The following MYO1E variants were observed in gnomAD, a reference collection of about 807,000 sequenced individuals.
MYO1E encodes unconventional myosin-Ie.
In MYO1E, 68 loss-of-function variants were observed where a neutral mutation model predicts 151.1. The observed-to-expected ratio is 0.45, with a 90% CI of 0.37 to 0.55. MYO1E has a LOEUF of 0.55. MYO1E is among the 20% of genes least tolerant of loss of function. MYO1E has a pLI of 0.00. For missense variants in MYO1E, 1,363 were observed against 1,389.3 expected, an observed-to-expected ratio of 0.98 and a Z score of 0.30; for synonymous variants, 601 against 501.7, an observed-to-expected ratio of 1.20 and a Z score of -2.64.
chr15:59,331,055 C>A (rs761301139), intron 1 of MYO1E, among the ~76,000 whole-genome samples: 2 of 152,140 alleles, frequency 1.3e-5, no homozygotes, highest in Non-Finnish European at 2.9e-5. Flanking sequence ...CAGGTGTGAG[C>A]CACGACGCCC....
At chr15:59,251,418 AG>A (rs2080164483) in intron 4 of MYO1E, among the ~76,000 whole-genome samples, 1 of 152,268 alleles carries the variant, frequency 6.6e-6, no homozygotes, top group Admixed American at 6.5e-5. Flanking sequence ...CAATTGTGGT[AG>A]GATAAAAATA....
chr15:59,166,870 G>C (rs560817369), intron 22 of MYO1E, among the ~76,000 whole-genome samples: 5 of 152,256 alleles, frequency 3.3e-5, no homozygotes, highest in African/African-American at 1.2e-4. Context: ...TTGTGTCCCA[G>C]GAATATCCTT....
chr15:59,262,212 A>T (rs1342349675), intron 2 of MYO1E, among the ~76,000 whole-genome samples: 2 of 151,542 alleles, frequency 1.3e-5, no homozygotes, highest in Non-Finnish European at 2.9e-5. Context: ...TGTCTCCAAA[A>T]AAAAAATAAA....
rs1302655973 is a variant in MYO1E at position 59,136,964 on chromosome 15, C to T, written c.*416G>A. ...GAGGAATGTGTCTATCAGGTATGGA[C>T]AAGAGAGATGAAAGAAATGTGCTCT... On this transcript the variant is annotated 3_prime_UTR_variant, in exon 28 of 28. Coordinates refer to ENST00000288235, the MANE Select transcript of MYO1E (RefSeq NM_004998.4). The T allele has an allele frequency of 2.8e-6, 1 of 354,158 alleles. No individual in the cohort carries two copies. The highest frequency in any genetic ancestry group is 5.6e-6 in the Non-Finnish European group (1 of 178,690). The allele number at this position is 354,158 out of a possible 1,614,324, so 21.9% of individuals were successfully genotyped here.
intron 1 of MYO1E, among the ~76,000 whole-genome samples, chr15:59,303,656 C>G (rs2140405361): frequency 6.6e-6 from 1 of 152,356 alleles, no homozygotes; most frequent in South Asian, 2.1e-4. Context: ...CATAATCCCA[C>G]AGCGAGATGG....
Position 59,132,496 on chromosome 15 carries a change from C to T in MYO1E, c.*4884G>A, listed in dbSNP as rs1370273669. On this transcript the variant is annotated 3_prime_UTR_variant, in exon 28 of 28. Coordinates refer to ENST00000288235, the MANE Select transcript of MYO1E (RefSeq NM_004998.4). ...AAATGTCCTGACTTAGGAAATTCTT[C>T]CAGGATGTCATAAAAAAAGACCTTT... 1.3e-5 allele frequency: 2 copies of T among 152,144 alleles called. No individual in the cohort carries two copies. Among genetic ancestry groups the T allele is most frequent in the African/African-American group, 4.8e-5 (2 of 41,424 alleles). 9.4% of individuals were successfully genotyped at this position (152,144 alleles called of 1,614,324 possible).
At chr15:59,198,925 C>T (rs1354149103) in intron 16 of MYO1E, among the ~76,000 whole-genome samples, 1 of 152,154 alleles carries the variant, frequency 6.6e-6, no homozygotes, top group Non-Finnish European at 1.5e-5. Flanking sequence ...TCCAGCTGCA[C>T]TCAGATAAAG....
At position 59,307,848 on chromosome 15, in the gene MYO1E, G is replaced by A. The variant is rs1483935089; in HGVS notation, c.4-35399C>T. On this transcript the variant is annotated intron_variant, in intron 1 of 27. Transcript: ENST00000288235. Reference sequence around the variant, plus strand: ...TGGTCTTGAACTCCTGACCTCAGGCGATCCACCCGCCTCAGCCTCCCAAAG... The same window carrying A: ...TGGTCTTGAACTCCTGACCTCAGGCAATCCACCCGCCTCAGCCTCCCAAAG... 1.3e-4 allele frequency among the ~76,000 whole-genome samples: 20 copies of A among 151,314 alleles called. 1 individual carries two copies. The highest frequency in any genetic ancestry group is 4.4e-4 in the African/African-American group (18 of 41,324).
chr15:59,210,534 C>G lies in MYO1E; in HGVS notation c.1342G>C (p.Asp448His). 1.3e-6 allele frequency: 2 copies of G among 1,599,864 alleles called. No individual in the cohort carries two copies. Among genetic ancestry groups the G allele is most frequent in the Non-Finnish European group, 1.7e-6 (2 of 1,167,066 alleles). The change falls in exon 13 of 28, where the codon GAC becomes CAC. Residue 448 changes from aspartate to histidine, a missense_variant. Asp to His is a moderately conservative substitution (Grantham distance 81). Coordinates refer to ENST00000288235, the MANE Select transcript of MYO1E (RefSeq NM_004998.4). ...CTTACCACTTTGTTCTCTATGAGGT[C>G]ACATACGATTTTATTATTAAAGTAC... ...IEYFNNKIVC[D>H]LIENKVNPPG...
chr15:59,146,690 C>T (rs1175893646), intron 26 of MYO1E, among the ~76,000 whole-genome samples: 1 of 149,102 alleles, frequency 6.7e-6, no homozygotes, highest in Non-Finnish European at 1.5e-5. Context: ...ATAATAAAGG[C>T]TCATTATATA....
At chr15:59,278,015 T>G (rs1255240552) in intron 1 of MYO1E, among the ~76,000 whole-genome samples, 2 of 152,210 alleles carry the variant, frequency 1.3e-5, no homozygotes, top group Admixed American at 1.3e-4. Context: ...TAGTAAAATC[T>G]TAAAATAAAT....
Position 59,288,646 on chromosome 15 carries a change from G to C in MYO1E, c.4-16197C>G, listed in dbSNP as rs138221854. ...TGGATGTATGATATTTCAAGAAAGA[G>C]ACTGGGTACTGTCATCTCATCTGGC... On this transcript the variant is annotated intron_variant, in intron 1 of 27. Coordinates refer to ENST00000288235, the MANE Select transcript of MYO1E (RefSeq NM_004998.4). Among the ~76,000 whole-genome samples the C allele has an allele frequency of 7.9e-4, 120 of 152,300 alleles. 1 individual carries two copies. In the East Asian group the frequency reaches 0.02, roughly 25 times the overall value.
intron 1 of MYO1E, among the ~76,000 whole-genome samples, chr15:59,366,669 G>A (rs2080915780): frequency 6.6e-6 from 1 of 152,038 alleles, no homozygotes; most frequent in Admixed American, 6.6e-5. Context: ...TGTTAGGGCT[G>A]GCTTTTACAG....
chr15:59,220,170 C>T lies in MYO1E; in HGVS notation c.911-2083G>A, dbSNP rs373658639. 6.6e-5 allele frequency among the ~76,000 whole-genome samples: 10 copies of T among 152,186 alleles called. No individual in the cohort carries two copies. In the East Asian group the frequency reaches 1.3e-3, roughly 21 times the overall value. On this transcript the variant is annotated intron_variant, in intron 9 of 27. Transcript: ENST00000288235. ...GTAAAAAAAACAAAGCTTGTTTGGC[C>T]AGGTGTGGTGGCTCACGCCTCTAAT...
chr15:59,171,943 G>A lies in MYO1E; in HGVS notation c.2434C>T (p.Leu812=), dbSNP rs781058236. Residue 812 remains leucine (L), a synonymous_variant, in exon 22 of 28, where the codon CTG becomes TTG. Coordinates refer to ENST00000288235, the MANE Select transcript of MYO1E (RefSeq NM_004998.4). ...GPDKGLVKEV[L]KRKIEIERIL... ...CGTTCTATCTCGATTTTCCGCTTCA[G>A]GACTTCTTTCACCAGGCCCTTGTCT... 1.4e-5 allele frequency: 22 copies of A among 1,614,180 alleles called. No individual in the cohort carries two copies. The highest frequency in any genetic ancestry group is 1.6e-5 in the Non-Finnish European group (19 of 1,180,038).
chr15:59,178,503 A>G lies in MYO1E; in HGVS notation c.1939T>C (p.Trp647Arg). The change falls in exon 19 of 28, where the codon TGG becomes CGG. Residue 647 changes from tryptophan to arginine, a missense_variant. Physicochemically the swap from Trp to Arg is moderately radical, Grantham distance 101. Transcript: ENST00000288235. ...ACGCCTTGCTTCTCCTCTCCCTGCC[A>G]AGAAGGCCAGGTGGCTTTGGTCAGA... is the stretch of plus-strand genomic sequence containing the variant. Reference protein sequence around the residue: ...AILTKATWPSWQGEEKQGVLH... With the variant: ...AILTKATWPSRQGEEKQGVLH... 1 of 1,614,200 alleles carries G rather than the reference A, an allele frequency of 6.2e-7. No individual in the cohort carries two copies. The highest frequency in any genetic ancestry group is 1.3e-5 in the African/African-American group (1 of 75,052).
At chr15:59,244,562 C>A (rs1459198343) in intron 4 of MYO1E, among the ~76,000 whole-genome samples, 14 of 152,174 alleles carry the variant, frequency 9.2e-5, no homozygotes, top group Admixed American at 2.6e-4. Flanking sequence ...TCCACTGCAC[C>A]TCATGACTGA....
chr15:59,362,507 ATC>A (rs2080891302), intron 1 of MYO1E, among the ~76,000 whole-genome samples: 1 of 152,208 alleles, frequency 6.6e-6, no homozygotes, highest in African/African-American at 2.4e-5. Context: ...AATGTTAGGA[ATC>A]TCTGATAATC....
intron 1 of MYO1E, among the ~76,000 whole-genome samples, chr15:59,365,181 G>C (rs753387397): frequency 5.4e-4 from 82 of 151,718 alleles, no homozygotes; most frequent in Non-Finnish European, 5.3e-4. Context: ...CACCACACTC[G>C]GCTAATTTTT....
Sources: gnomAD v4.1 joint callset for allele counts (sites outside exome capture counted in the v4.1 genomes callset) on GRCh38, gnomAD v4.1.1 for gene constraint, MANE v1.5 for transcripts, NCBI Gene and HGNC (gene_info 2026-07-23, HGNC 2026-07-21) for gene names.